Variants in ALOX5AP observed in about 807,000 individuals in gnomAD.
ALOX5AP encodes arachidonate 5-lipoxygenase-activating protein.
Under a neutral mutation model 18.5 loss-of-function variants are expected in ALOX5AP, and 9 were observed. That is an observed-to-expected ratio of 0.49 (90% CI 0.29 to 0.85). The LOEUF (loss-of-function observed/expected upper bound fraction) is 0.85. ALOX5AP is among the 40% of genes least tolerant of loss of function. ALOX5AP has a pLI of 0.08. For synonymous variants in ALOX5AP, 81 were observed against 78.6 expected (o/e 1.03, Z -0.16); for missense variants, 172 against 202.5 (o/e 0.85, Z 0.91).
intron 1 of ALOX5AP, among the ~76,000 whole-genome samples, chr13:30,715,437 T>A (rs1951542704): frequency 6.6e-6 from 1 of 152,206 alleles, no homozygotes; most frequent in Non-Finnish European, 1.5e-5. Context: ...GGTGAGTGCC[T>A]TCTGGGGCCC....
chr13:30,719,589 G>A (rs1341072964), intron 1 of ALOX5AP, among the ~76,000 whole-genome samples: 1 of 152,156 alleles, frequency 6.6e-6, no homozygotes, highest in Non-Finnish European at 1.5e-5. Context: ...AACCAGGTTG[G>A]TTAGGGCATT....
chr13:30,748,963 C>G lies in ALOX5AP; in HGVS notation c.171-3089C>G, dbSNP rs565531792. 2.6e-5 allele frequency among the ~76,000 whole-genome samples: 4 copies of G among 152,218 alleles called. No individual in the cohort carries two copies. In the South Asian group the frequency reaches 6.2e-4, roughly 24 times the overall value. The stretch of plus-strand genomic sequence containing the variant: ...TTGAATTCAGCCCAGCAGCAACCCC[C>G]TCTCCAGGAGGGGCACATAAGCTTG... On this transcript the variant is annotated intron_variant, in intron 2 of 4. Transcript: ENST00000380490.
At chr13:30,732,963 G>A (rs561443608), upstream of ALOX5AP, among the ~76,000 whole-genome samples, 6 of 152,062 alleles carry the variant, frequency 3.9e-5, no homozygotes, top group Admixed American at 3.3e-4. Context: ...AGACCATCCC[G>A]GCTAACACGG....
intron 4 of ALOX5AP, among the ~76,000 whole-genome samples, chr13:30,756,347 T>C (rs917082408): frequency 7.9e-5 from 12 of 152,214 alleles, no homozygotes; most frequent in Non-Finnish European, 1.2e-4. Context: ...AGTCTGGCGC[T>C]GGAATGACAT....
chr13:30,731,993 C>T (rs1951685197), upstream of ALOX5AP, among the ~76,000 whole-genome samples: 1 of 152,228 alleles, frequency 6.6e-6, no homozygotes, highest in African/African-American at 2.4e-5. Flanking sequence ...AAAGGCTTCA[C>T]CTCTGATAAG....
chr13:30,745,084 CTG>C (rs1430787273), intron 2 of ALOX5AP, among the ~76,000 whole-genome samples: 1 of 152,228 alleles, frequency 6.6e-6, no homozygotes, highest in Non-Finnish European at 1.5e-5. Context: ...GGGCTTGCTG[CTG>C]GCACCATGGG....
chr13:30,745,502 C>A (rs1002505276), intron 2 of ALOX5AP, among the ~76,000 whole-genome samples: 1 of 152,190 alleles, frequency 6.6e-6, no homozygotes, highest in Non-Finnish European at 1.5e-5. Context: ...GGCTCCACTC[C>A]CTTCTCCCAA....
intron 4 of ALOX5AP, among the ~76,000 whole-genome samples, chr13:30,762,972 A>G (rs974106640): frequency 1.1e-4 from 16 of 152,184 alleles, no homozygotes; most frequent in African/African-American, 2.9e-4. Context: ...TGGGGGATGC[A>G]GTTTAGGATT....
intron 1 of ALOX5AP, among the ~76,000 whole-genome samples, chr13:30,728,805 G>A (rs1465224403): frequency 2.0e-5 from 3 of 152,154 alleles, no homozygotes; most frequent in East Asian, 1.9e-4. Context: ...CTATGATCAC[G>A]CCACTGCACT....
chr13:30,727,061 T>C (rs377153227), intron 1 of ALOX5AP, among the ~76,000 whole-genome samples: 1 of 334 alleles, frequency 3.0e-3, no homozygotes, highest in African/African-American at 6.6e-3. Flanking sequence ...TGATTTTGCC[T>C]TTTTTTTTTT....
At chr13:30,761,012 C>A (rs1951937506) in intron 4 of ALOX5AP, among the ~76,000 whole-genome samples, 3 of 152,214 alleles carry the variant, frequency 2.0e-5, no homozygotes, top group Admixed American at 2.0e-4. Flanking sequence ...CTGCTCACAG[C>A]ATTTCAGGTT....
chr13:30,721,024 C>T (rs1419522795), intron 1 of ALOX5AP, among the ~76,000 whole-genome samples: 2 of 152,082 alleles, frequency 1.3e-5, no homozygotes, highest in African/African-American at 2.4e-5. Flanking sequence ...ATCTGGGGAC[C>T]CCACAGCCAC....
intron 4 of ALOX5AP, among the ~76,000 whole-genome samples, chr13:30,756,361 A>G (rs1467899339): frequency 6.6e-6 from 1 of 152,202 alleles, no homozygotes; most frequent in Non-Finnish European, 1.5e-5. Context: ...ATGACATTTT[A>G]GGTCTGGGTT....
chr13:30,722,041 C>G (rs1371651617), intron 1 of ALOX5AP, among the ~76,000 whole-genome samples: 1 of 152,216 alleles, frequency 6.6e-6, no homozygotes, highest in Non-Finnish European at 1.5e-5. Context: ...AAGTGCCCGG[C>G]TGACAGATTG....
At position 30,762,387 on chromosome 13, in the gene ALOX5AP, G is replaced by A. The variant is rs537365850; in HGVS notation, c.324-1557G>A. 3.3e-5 allele frequency among the ~76,000 whole-genome samples: 5 copies of A among 152,070 alleles called. No individual in the cohort carries two copies. The East Asian group carries it at 5.8e-4, about 18-fold the overall frequency. ...GCAGATCACCTGAGGTCAGGAGTTC[G>A]AGACCAGCCTGGCCAACATGGTGAA... On this transcript the variant is annotated intron_variant, in intron 4 of 4. Transcript: ENST00000380490.
chr13:30,725,966 C>G (rs988472099), intron 1 of ALOX5AP, among the ~76,000 whole-genome samples: 2 of 152,090 alleles, frequency 1.3e-5, no homozygotes, highest in African/African-American at 2.4e-5. Context: ...AGTCAGTGAC[C>G]AATATATGAT....
chr13:30,737,343 C>T (rs1951729492), intron 1 of ALOX5AP, among the ~76,000 whole-genome samples: 1 of 152,270 alleles, frequency 6.6e-6, no homozygotes, highest in Non-Finnish European at 1.5e-5. Flanking sequence ...TGGCCCTGCT[C>T]TGCCCAGGGC....
chr13:30,728,082 A>C (rs1951653112), intron 1 of ALOX5AP, among the ~76,000 whole-genome samples: 1 of 152,202 alleles, frequency 6.6e-6, no homozygotes, highest in Non-Finnish European at 1.5e-5. Context: ...ATACTGGCTC[A>C]GGATGGGCTC....
At chr13:30,713,951 C>A in intron 1 of ALOX5AP, 2 of 1,225,404 alleles carry the variant, frequency 1.6e-6, no homozygotes, top group Non-Finnish European at 2.3e-6. Context: ...AGAACCGAGG[C>A]TCCCAGAAGC....
Sources: gnomAD v4.1 joint callset for allele counts (sites outside exome capture counted in the v4.1 genomes callset) on GRCh38, gnomAD v4.1.1 for gene constraint, MANE v1.5 for transcripts, NCBI Gene and HGNC (gene_info 2026-07-23, HGNC 2026-07-21) for gene names.